The following FANK1 variants were observed in gnomAD, a reference collection of about 807,000 sequenced individuals.
FANK1 encodes the protein fibronectin type III and ankyrin repeat domains 1.
In FANK1, 44 loss-of-function variants were observed where a neutral mutation model predicts 45.3. That is an observed-to-expected ratio of 0.97 (90% CI 0.76 to 1.25). The LOEUF (loss-of-function observed/expected upper bound fraction) is 1.25, where lower values mean the gene tolerates loss of function less well. Ranked by LOEUF, FANK1 falls within the 50% of genes most tolerant of loss-of-function variation. The pLI is 0.00. For missense variants in FANK1, 391 were observed against 424.4 expected (o/e 0.92, Z 0.69); for synonymous variants, 149 against 152.5 (o/e 0.98, Z 0.17).
intron 1 of FANK1, among the ~76,000 whole-genome samples, chr10:125,967,991 T>G (rs1278892427): frequency 1.3e-5 from 2 of 152,226 alleles, no homozygotes; most frequent in Admixed American, 6.5e-5. Flanking sequence ...TTTATCACAG[T>G]CTTAAACAAC....
chr10:125,989,144 G>C (rs1951762910), intron 3 of FANK1: 1 of 732,688 alleles, frequency 1.4e-6, no homozygotes, highest in Non-Finnish European at 2.2e-6. Context: ...TGAACGAACA[G>C]TGCTGCTGCA....
At chr10:125,959,403 G>T in intron 1 of FANK1, among the ~76,000 whole-genome samples, 1 of 98,056 alleles carries the variant, frequency 1.0e-5, no homozygotes. Context: ...GACAGAATGA[G>T]ACTCTGTCTC....
intron 6 of FANK1, among the ~76,000 whole-genome samples, chr10:125,997,853 G>A (rs1035563063): frequency 6.6e-6 from 1 of 152,208 alleles, no homozygotes; most frequent in Non-Finnish European, 1.5e-5. Flanking sequence ...TCAGGCCCCC[G>A]CTGCATTTCA....
In FANK1 at chr10:125,983,290, G is replaced by T. The variant is rs1951339253; in HGVS notation, c.191+2952G>T. 1.3e-5 allele frequency among the ~76,000 whole-genome samples: 2 copies of T among 152,016 alleles called. No homozygotes were observed. Among genetic ancestry groups the T allele is most frequent in the South Asian group, 4.2e-4 (2 of 4,806 alleles). ...CCTATTGTCTGTGCCCTAAATTCCT[G>T]TGATCGTTGCTGCCCATGCCACGCA... On this transcript the variant is annotated intron_variant, in intron 2 of 10. Coordinates refer to ENST00000368693, the MANE Select transcript of FANK1 (RefSeq NM_145235.5). The surrounding 1 kb of genome is among the most constrained non-coding windows in gnomAD (Gnocchi z 4.3).
chr10:125,926,093 C>T (rs1323934210), intron 1 of FANK1, among the ~76,000 whole-genome samples: 1 of 152,094 alleles, frequency 6.6e-6, no homozygotes, highest in Non-Finnish European at 1.5e-5. Flanking sequence ...TTATCCTCCT[C>T]CTGGGTGATA....
chr10:125,971,483 A>G (rs1228075189), intron 1 of FANK1, among the ~76,000 whole-genome samples: 1 of 151,908 alleles, frequency 6.6e-6, no homozygotes, highest in Admixed American at 6.6e-5. Context: ...CCTGGTTTGC[A>G]TTGTCTCACT....
intron 1 of FANK1, among the ~76,000 whole-genome samples, chr10:125,936,126 T>C (rs898451729): frequency 3.9e-5 from 6 of 152,274 alleles, no homozygotes; most frequent in Middle Eastern, 3.4e-3. Flanking sequence ...CATCAGAGAA[T>C]ACTGTGCAAA....
At chr10:125,912,338 A>G (rs913765883) in intron 1 of FANK1, among the ~76,000 whole-genome samples, 10 of 152,184 alleles carry the variant, frequency 6.6e-5, no homozygotes, top group Non-Finnish European at 1.0e-4. Flanking sequence ...GAAAGAATGA[A>G]AATAACATAT....
At chr10:125,953,195 A>G (rs1482450982) in intron 1 of FANK1, among the ~76,000 whole-genome samples, 2 of 152,078 alleles carry the variant, frequency 1.3e-5, no homozygotes, top group Admixed American at 1.3e-4. Flanking sequence ...TTTGAAAACC[A>G]CTTGGCCCCC....
At chr10:126,005,597 C>T (rs117626537) in intron 7 of FANK1, among the ~76,000 whole-genome samples, 3,522 of 152,196 alleles carry the variant, frequency 0.023, 110 homozygotes, top group East Asian at 0.12. Flanking sequence ...TGTGAGCCAC[C>T]GTGCCCAGCC....
chr10:125,907,783 G>A (rs981413264), intron 1 of FANK1, among the ~76,000 whole-genome samples: 1 of 152,088 alleles, frequency 6.6e-6, no homozygotes, highest in African/African-American at 2.4e-5. Flanking sequence ...GGACCTGAGG[G>A]TGGCCTCCAG....
At chr10:125,971,403 C>T (rs1357622921) in intron 1 of FANK1, among the ~76,000 whole-genome samples, 3 of 151,790 alleles carry the variant, frequency 2.0e-5, no homozygotes, top group African/African-American at 4.8e-5. Context: ...CCTCCCTGAC[C>T]TCGGTGCTAT....
At chr10:125,912,212 A>G (rs1029997208) in intron 1 of FANK1, among the ~76,000 whole-genome samples, 4 of 152,338 alleles carry the variant, frequency 2.6e-5, no homozygotes, top group African/African-American at 9.6e-5. Flanking sequence ...TCTTGGAGGC[A>G]GCCACTCCTC....
intron 1 of FANK1, among the ~76,000 whole-genome samples, chr10:125,926,296 C>T (rs984582915): frequency 6.6e-6 from 1 of 152,302 alleles, no homozygotes; most frequent in African/African-American, 2.4e-5. Flanking sequence ...CATATTTCAC[C>T]AGTTTTATGT....
chr10:125,980,477 A>C, intron 2 of FANK1, 139 bp downstream of exon 2: 3 of 1,044,472 alleles, frequency 2.9e-6, no homozygotes, highest in Non-Finnish European at 4.0e-6. Flanking sequence ...CTCTTTTATG[A>C]ATTACAATTT....
At chr10:125,959,962 CAA>C (rs1347188887) in intron 1 of FANK1, among the ~76,000 whole-genome samples, 7 of 152,052 alleles carry the variant, frequency 4.6e-5, no homozygotes, top group African/African-American at 1.7e-4. Context: ...CAAAAACAAA[CAA>C]ACAAAAAACC....
intron 1 of FANK1, among the ~76,000 whole-genome samples, chr10:125,971,459 T>C (rs1266865822): frequency 1.3e-5 from 2 of 151,794 alleles, no homozygotes; most frequent in Admixed American, 1.3e-4. Flanking sequence ...CTCTCTACTT[T>C]ATTCAAACAA....
At chr10:125,915,466 C>T (rs1198497182) in intron 1 of FANK1, among the ~76,000 whole-genome samples, 2 of 152,150 alleles carry the variant, frequency 1.3e-5, no homozygotes, top group African/African-American at 4.8e-5. Context: ...GAATCATTTG[C>T]GTTATCTGTT....
Position 125,934,724 on chromosome 10 carries a change from GTTT to G in FANK1, c.13+38104_13+38106del, listed in dbSNP as rs145182884. ...AGTTCCCACCACCTGTACCCCTACC[GTTT>G]TTTTTTTTTTTTTTTTTTTTTTTTT... On this transcript the variant is annotated intron_variant, in intron 1 of 10. Coordinates refer to ENST00000368693, the MANE Select transcript of FANK1 (RefSeq NM_145235.5). Among the ~76,000 whole-genome samples the G allele has an allele frequency of 1.2e-3, 32 of 26,448 alleles. 2 individuals carry two copies. Among genetic ancestry groups the G allele is most frequent in the Admixed American group, 6.5e-3 (10 of 1,538 alleles). The allele number at this position is 26,448 out of a possible 152,430, so 17.4% of individuals were successfully genotyped here. A position where few individuals can be genotyped will look rare whatever the true frequency, so the allele number is the denominator to read the frequency against.
Sources: allele counts gnomAD v4.1 joint callset (sites outside exome capture counted in the v4.1 genomes callset), GRCh38; gene constraint gnomAD v4.1.1; non-coding constraint Gnocchi (gnomAD v3.1); transcripts MANE v1.5; gene names NCBI Gene and HGNC (gene_info 2026-07-23, HGNC 2026-07-21).